EBF1: variants seen among roughly 807,000 people sequenced by gnomAD.
The protein encoded by EBF1 is transcription factor COE1.
In EBF1, 10 loss-of-function variants were observed where a neutral mutation model predicts 68.4. The ratio of observed to expected loss-of-function variants is 0.15; its 90% CI spans 0.09 to 0.25. The LOEUF is 0.25. Ranked by LOEUF, EBF1 falls within the 10% of genes least tolerant of loss-of-function variation. The pLI is 1.00. For missense variants in EBF1, 509 were observed against 794.4 expected (o/e 0.64, Z 4.32); for synonymous variants, 298 against 299.8 (o/e 0.99, Z 0.06).
intron 8 of EBF1, among the ~76,000 whole-genome samples, chr5:158,821,262 A>T (rs1345289433): frequency 6.6e-6 from 1 of 152,192 alleles, no homozygotes; most frequent in Non-Finnish European, 1.5e-5. Flanking sequence ...GTGAAACTAA[A>T]TTGAATTTGG....
intron 6 of EBF1, among the ~76,000 whole-genome samples, chr5:158,886,953 G>T (rs1297162418): frequency 1.3e-5 from 2 of 152,166 alleles, no homozygotes; most frequent in African/African-American, 4.8e-5. Context: ...AATGAGCCGA[G>T]ATCGTGCCAT....
chr5:158,720,618 C>G (rs1761740322), intron 11 of EBF1, among the ~76,000 whole-genome samples: 1 of 152,100 alleles, frequency 6.6e-6, no homozygotes, highest in Admixed American at 6.6e-5. Context: ...TGAAATAGAG[C>G]TTAGTGCAGA....
chr5:158,725,167 A>G (rs896438591), intron 11 of EBF1, among the ~76,000 whole-genome samples: 3 of 152,152 alleles, frequency 2.0e-5, no homozygotes, highest in African/African-American at 7.2e-5. Flanking sequence ...TTTCCAAGGA[A>G]GCCTTGAGTT....
At chr5:158,938,595 T>G (rs562926206) in intron 6 of EBF1, among the ~76,000 whole-genome samples, 2 of 152,198 alleles carry the variant, frequency 1.3e-5, no homozygotes, top group Non-Finnish European at 2.9e-5. Context: ...GTGCTGCAGA[T>G]TCAATATCTG....
intron 5 of EBF1, among the ~76,000 whole-genome samples, chr5:159,078,100 CA>C (rs1485050785): frequency 6.6e-6 from 1 of 152,182 alleles, no homozygotes; most frequent in Non-Finnish European, 1.5e-5. Context: ...CAACCACAAG[CA>C]GTGGAAGGAA....
At chr5:158,914,054 G>A (rs144052730) in intron 6 of EBF1, among the ~76,000 whole-genome samples, 2 of 152,236 alleles carry the variant, frequency 1.3e-5, no homozygotes, top group African/African-American at 4.8e-5. Context: ...GATGTGGTGG[G>A]GCCACACCCT....
Position 158,695,988 on chromosome 5 carries a change from C to CAA in EBF1, c.*3121_*3122dup, listed in dbSNP as rs58435135. The CAA allele has an allele frequency of 6.6e-3, 1,003 of 151,014 alleles. 12 individuals are homozygous for CAA. The highest frequency in any genetic ancestry group is 0.019 in the East Asian group (192 of 10,264). The allele number at this position is 151,014 out of a possible 1,614,324, so 9.4% of individuals were successfully genotyped here. On this transcript the variant is annotated 3_prime_UTR_variant, in exon 16 of 16. Coordinates refer to ENST00000313708, the MANE Select transcript of EBF1 (RefSeq NM_024007.5). Reference sequence around the variant, plus strand: ...AAAGTTTTTACAGCTTGAATTTTTGCAAAAAAAAAAAAAAAATTTAACAAT... The same window carrying CAA: ...AAAGTTTTTACAGCTTGAATTTTTGCAAAAAAAAAAAAAAAAAATTTAACAAT...
chr5:158,711,911 C>T (rs1759425559), intron 14 of EBF1, among the ~76,000 whole-genome samples: 1 of 152,148 alleles, frequency 6.6e-6, no homozygotes, highest in African/African-American at 2.4e-5. Context: ...CATACAGCTG[C>T]TTTGGATGGT....
At chr5:158,940,715 G>A (rs1218328566) in intron 6 of EBF1, among the ~76,000 whole-genome samples, 1 of 128,292 alleles carries the variant, frequency 7.8e-6, no homozygotes, top group East Asian at 2.5e-4. Flanking sequence ...GATAAAACAG[G>A]CTCTTTCCAC....
chr5:158,712,062 G>T, intron 14 of EBF1, 92 bp downstream of exon 14: 1 of 1,476,458 alleles, frequency 6.8e-7, no homozygotes, highest in Non-Finnish European at 9.2e-7. Flanking sequence ...GGGGGCCTCA[G>T]ACCGAGAAGC....
intron 6 of EBF1, among the ~76,000 whole-genome samples, chr5:159,027,082 C>T (rs1196754980): frequency 1.3e-5 from 2 of 152,170 alleles, no homozygotes; most frequent in African/African-American, 4.8e-5. Flanking sequence ...CCATTCGTCC[C>T]TCCATTAGAA....
intron 6 of EBF1, among the ~76,000 whole-genome samples, chr5:158,934,390 G>C (rs1223390235): frequency 1.3e-5 from 2 of 152,190 alleles, no homozygotes; most frequent in African/African-American, 4.8e-5. Flanking sequence ...AAGTTATCTG[G>C]AAGACTGCAT....
chr5:158,731,473 A>T (rs2127546014), intron 10 of EBF1, among the ~76,000 whole-genome samples: 1 of 152,356 alleles, frequency 6.6e-6, no homozygotes, highest in South Asian at 2.1e-4. Flanking sequence ...TTTAGTATCC[A>T]CTTTAATTCA....
intron 6 of EBF1, among the ~76,000 whole-genome samples, chr5:158,845,729 A>G (rs1179613507): frequency 6.6e-6 from 1 of 152,044 alleles, no homozygotes; most frequent in East Asian, 1.9e-4. Flanking sequence ...AGAAGAAGAA[A>G]TAACCACCAA....
chr5:158,713,423 A>C (rs2127492480), intron 12 of EBF1, among the ~76,000 whole-genome samples: 1 of 152,304 alleles, frequency 6.6e-6, no homozygotes, highest in South Asian at 2.1e-4. Context: ...CTGACTTTGA[A>C]AGTCCATTAT....
rs1480645491 is a variant in EBF1 at position 158,709,722 on chromosome 5, T to TTTTTC, written c.1550-1554_1550-1550dup. Among the ~76,000 whole-genome samples, 4 of 152,372 alleles carry TTTTTC rather than the reference T, an allele frequency of 2.6e-5. No individual in the cohort carries two copies. In the South Asian group the frequency reaches 6.2e-4, roughly 24 times the overall value. On this transcript the variant is annotated intron_variant, in intron 14 of 15. Coordinates refer to ENST00000313708, the MANE Select transcript of EBF1 (RefSeq NM_024007.5). The stretch of plus-strand genomic sequence containing the variant: ...TTCACAAACATTTTCTAAACTGTAC[T>TTTTTC]TTTTCTTTTAATGAGGCCAGCATTT...
chr5:158,884,725 T>C (rs978010086), intron 6 of EBF1, among the ~76,000 whole-genome samples: 1 of 152,168 alleles, frequency 6.6e-6, no homozygotes, highest in African/African-American at 2.4e-5. Flanking sequence ...ACAATACTGA[T>C]CATCATTATT....
chr5:159,095,450 G>C (rs953478478), intron 4 of EBF1, among the ~76,000 whole-genome samples, 170 bp downstream of exon 4: 6 of 152,168 alleles, frequency 3.9e-5, no homozygotes, highest in African/African-American at 1.4e-4. Context: ...CCCACGCGGC[G>C]GTGCAAGCGC....
chr5:158,878,275 T>C (rs761362354), intron 6 of EBF1, among the ~76,000 whole-genome samples: 1 of 152,120 alleles, frequency 6.6e-6, no homozygotes, highest in Non-Finnish European at 1.5e-5. Context: ...GAAAGTGGCA[T>C]GGGAAGAGAG....
Sources: allele counts gnomAD v4.1 joint callset (sites outside exome capture counted in the v4.1 genomes callset), GRCh38; gene constraint gnomAD v4.1.1; transcripts MANE v1.5; gene names NCBI Gene and HGNC (gene_info 2026-07-23, HGNC 2026-07-21).